Variants in CNTN4 observed in about 807,000 individuals in gnomAD.
CNTN4 encodes contactin-4.
A neutral mutation model predicts 122.5 loss-of-function variants in CNTN4; 77 were observed. The ratio of observed to expected loss-of-function variants is 0.63; its 90% CI spans 0.52 to 0.76. The LOEUF (loss-of-function observed/expected upper bound fraction) is 0.76, where lower values mean the gene tolerates loss of function less well. Ranked by LOEUF, CNTN4 falls within the 30% of genes least tolerant of loss-of-function variation. The pLI, the probability that CNTN4 is intolerant of heterozygous loss-of-function variation, is 0.00. For synonymous variants in CNTN4, 512 were observed against 447.0 expected (o/e 1.15, Z -1.83); for missense variants, 1,256 against 1,259.1 (o/e 1.00, Z 0.04).
At chr3:2,575,367 T>A (rs1441298332) in intron 4 of CNTN4, among the ~76,000 whole-genome samples, 1 of 151,876 alleles carries the variant, frequency 6.6e-6, no homozygotes, top group Non-Finnish European at 1.5e-5. Flanking sequence ...AAAAAGTAGC[T>A]GGGCATGGTG....
chr3:2,838,978 G>A (rs960755425), intron 7 of CNTN4, among the ~76,000 whole-genome samples: 1 of 152,164 alleles, frequency 6.6e-6, no homozygotes, highest in Non-Finnish European at 1.5e-5. Flanking sequence ...AAAGCAGGTA[G>A]ATTATTATCT....
At chr3:2,399,692 A>G (rs1300191913) in intron 3 of CNTN4, among the ~76,000 whole-genome samples, 5 of 152,210 alleles carry the variant, frequency 3.3e-5, no homozygotes, top group Non-Finnish European at 7.4e-5. Flanking sequence ...ATGTTCGAGT[A>G]TGATATGAGG....
chr3:2,953,801 G>T (rs1042612054), intron 13 of CNTN4, among the ~76,000 whole-genome samples: 2 of 152,162 alleles, frequency 1.3e-5, no homozygotes, highest in Non-Finnish European at 2.9e-5. Context: ...TGATTTGGAT[G>T]ACACGTGTTC....
chr3:2,630,728 G>GTT (rs1416495846), intron 4 of CNTN4, among the ~76,000 whole-genome samples: 1 of 121,228 alleles, frequency 8.2e-6, no homozygotes, highest in African/African-American at 3.2e-5. Flanking sequence ...GTGTGTGTGT[G>GTT]TGTACTATAT....
rs1018920181 is a variant in CNTN4 at position 2,866,802 on chromosome 3, C to T, written c.505C>T (p.Arg169Cys). The change falls in exon 8 of 25, where the codon CGC becomes TGC. Residue 169 changes from arginine (R) to cysteine (C), a missense_variant. Arg to Cys is a radical substitution (Grantham distance 180). Coordinates refer to ENST00000418658, the MANE Select transcript of CNTN4 (RefSeq NM_175607.3). Reference protein sequence around the residue: ...FNEYPSYQDNRRFVSQETGNL... With the variant: ...FNEYPSYQDNCRFVSQETGNL... ...TGAATACCCTTCCTATCAGGATAATCGCCGCTTTGTTTCTCAAGAGACTGG... is the reference window on the plus strand; with the variant it reads ...TGAATACCCTTCCTATCAGGATAATTGCCGCTTTGTTTCTCAAGAGACTGG... 5.0e-6 allele frequency: 8 copies of T among 1,613,810 alleles called. No homozygotes were observed. The highest frequency in any genetic ancestry group is 1.7e-5 in the Admixed American group (1 of 59,986).
At position 2,145,365 on chromosome 3, in the gene CNTN4, C is replaced by G. The variant is rs141310606; in HGVS notation, c.-145+44726C>G. ...ACAGTTGGTCATGTTGCAGGCCTAG[C>G]AACTCTGGCCTTGTCACATTGCATC... On this transcript the variant is annotated intron_variant, in intron 2 of 24. Transcript: ENST00000418658. 1.1e-4 allele frequency among the ~76,000 whole-genome samples: 16 copies of G among 152,326 alleles called. No individual in the cohort carries two copies. In the East Asian group the frequency reaches 2.9e-3, roughly 28 times the overall value.
intron 2 of CNTN4, among the ~76,000 whole-genome samples, chr3:2,172,232 C>A (rs181087549): frequency 6.6e-6 from 1 of 151,738 alleles, no homozygotes; most frequent in Non-Finnish European, 1.5e-5. Context: ...TAAAAAAAAA[C>A]GAAATAATGT....
At chr3:2,629,457 C>T (rs2082332384) in intron 4 of CNTN4, 1 of 388,520 alleles carries the variant, frequency 2.6e-6, no homozygotes, top group Admixed American at 3.3e-5. Flanking sequence ...CCGGTGATCA[C>T]CACTTGGTTT....
At chr3:2,690,674 GC>G (rs1166335155) in intron 4 of CNTN4, among the ~76,000 whole-genome samples, 2 of 152,066 alleles carry the variant, frequency 1.3e-5, no homozygotes, top group African/African-American at 2.4e-5. Flanking sequence ...GCCTATGGGG[GC>G]AAATCCTGAC....
intron 2 of CNTN4, among the ~76,000 whole-genome samples, chr3:2,226,910 C>A (rs1410925664): frequency 6.6e-6 from 1 of 151,908 alleles, no homozygotes; most frequent in African/African-American, 2.4e-5. Flanking sequence ...TAACTCTTTG[C>A]AGTAGCTGTG....
At chr3:2,776,787 G>A (rs1348443267) in intron 6 of CNTN4, among the ~76,000 whole-genome samples, 4 of 152,092 alleles carry the variant, frequency 2.6e-5, no homozygotes, top group African/African-American at 7.2e-5. Context: ...TTTTTGCTGA[G>A]CCCGTAGAGT....
intron 2 of CNTN4, among the ~76,000 whole-genome samples, chr3:2,150,145 T>A (rs893849493): frequency 6.6e-6 from 1 of 152,164 alleles, no homozygotes; most frequent in Non-Finnish European, 1.5e-5. Context: ...TAAGAAGCAT[T>A]TACCACAGAG....
At chr3:2,172,486 G>A (rs1430178077) in intron 2 of CNTN4, among the ~76,000 whole-genome samples, 1 of 151,916 alleles carries the variant, frequency 6.6e-6, no homozygotes, top group Admixed American at 6.6e-5. Flanking sequence ...ACAAAATCCC[G>A]GAAATCACCA....
At chr3:2,740,581 A>G (rs1461918951) in intron 5 of CNTN4, among the ~76,000 whole-genome samples, 1 of 152,174 alleles carries the variant, frequency 6.6e-6, no homozygotes, top group African/African-American at 2.4e-5. Flanking sequence ...TTAAACACAG[A>G]TCTTCATTGG....
At chr3:2,548,741 C>A (rs1250337304) in intron 3 of CNTN4, among the ~76,000 whole-genome samples, 2 of 152,090 alleles carry the variant, frequency 1.3e-5, no homozygotes, top group African/African-American at 4.8e-5. Context: ...ATGGGGATAG[C>A]ATTGAGTCTA....
At chr3:2,231,535 CA>C (rs2039488106) in intron 2 of CNTN4, among the ~76,000 whole-genome samples, 1 of 152,140 alleles carries the variant, frequency 6.6e-6, no homozygotes, top group Non-Finnish European at 1.5e-5. Context: ...TACATCTATG[CA>C]AGGAAATACA....
At chr3:2,283,416 G>A (rs994611783) in intron 2 of CNTN4, among the ~76,000 whole-genome samples, 2 of 152,064 alleles carry the variant, frequency 1.3e-5, no homozygotes, top group Non-Finnish European at 2.9e-5. Flanking sequence ...CTCCCCCAAA[G>A]TATAGGCAAG....
At chr3:2,714,032 C>G (rs1018993381) in intron 4 of CNTN4, among the ~76,000 whole-genome samples, 1 of 152,102 alleles carries the variant, frequency 6.6e-6, no homozygotes, top group African/African-American at 2.4e-5. Context: ...TTTTCACTAC[C>G]ATTGTGGATT....
At chr3:2,548,045 A>T (rs541524554) in intron 3 of CNTN4, among the ~76,000 whole-genome samples, 1 of 152,064 alleles carries the variant, frequency 6.6e-6, no homozygotes, top group Admixed American at 6.6e-5. Flanking sequence ...TAGATTCTGG[A>T]TATTATCCCT....
Sources: gnomAD v4.1 joint callset for allele counts (sites outside exome capture counted in the v4.1 genomes callset) on GRCh38, gnomAD v4.1.1 for gene constraint, MANE v1.5 for transcripts, NCBI Gene and HGNC (gene_info 2026-07-23, HGNC 2026-07-21) for gene names.